The following PDE3A variants were observed in gnomAD, a reference collection of about 807,000 sequenced individuals.
PDE3A encodes cGMP-inhibited 3',5'-cyclic phosphodiesterase 3A.
A neutral mutation model predicts 98.3 loss-of-function variants in PDE3A; 43 were observed. That is an observed-to-expected ratio of 0.44 (90% CI 0.34 to 0.56). PDE3A has a LOEUF of 0.56. PDE3A is among the 20% of genes least tolerant of loss of function. PDE3A has a pLI of 0.01. For missense variants in PDE3A, 1,427 were observed against 1,440.7 expected (o/e 0.99, Z 0.15); for synonymous variants, 663 against 567.9 (o/e 1.17, Z -2.38).
At chr12:20,664,330 G>A (rs539546727) in intron 15 of PDE3A, among the ~76,000 whole-genome samples, 34 of 152,200 alleles carry the variant, frequency 2.2e-4, no homozygotes, top group South Asian at 1.5e-3. Flanking sequence ...GTCTAAAATC[G>A]TCACTTAGAT....
At chr12:20,516,351 A>C (rs1047900600) in intron 1 of PDE3A, among the ~76,000 whole-genome samples, 3 of 152,186 alleles carry the variant, frequency 2.0e-5, no homozygotes, top group Admixed American at 6.5e-5. Flanking sequence ...GTGGCACTTA[A>C]AATAAGTGGA....
intron 1 of PDE3A, among the ~76,000 whole-genome samples, chr12:20,423,165 A>T (rs541127840): frequency 2.6e-5 from 4 of 152,320 alleles, no homozygotes; most frequent in Admixed American, 2.6e-4. Flanking sequence ...AAGAATACCT[A>T]TTTATAAAAT....
At chr12:20,613,788 T>A in intron 3 of PDE3A, 88 bp downstream of exon 3, 1 of 960,356 alleles carries the variant, frequency 1.0e-6, no homozygotes, top group Non-Finnish European at 1.6e-6. Context: ...CAACTCCATC[T>A]GCAGATTCAT....
intron 1 of PDE3A, among the ~76,000 whole-genome samples, chr12:20,455,948 A>T (rs1945145038): frequency 6.6e-6 from 1 of 152,178 alleles, no homozygotes; most frequent in South Asian, 2.1e-4. Context: ...CTATCAATGT[A>T]ACATACTTAA....
At chr12:20,575,142 G>A (rs529562011) in intron 2 of PDE3A, among the ~76,000 whole-genome samples, 3 of 152,054 alleles carry the variant, frequency 2.0e-5, no homozygotes, top group Non-Finnish European at 2.9e-5. Flanking sequence ...GTATTCCTTA[G>A]GAATTTTCAG....
chr12:20,650,482 A>G lies in PDE3A; in HGVS notation c.2807A>G (p.Asn936Ser). The G allele has an allele frequency of 6.2e-7, 1 of 1,610,770 alleles. No individual in the cohort carries two copies. Among genetic ancestry groups the G allele is most frequent in the Non-Finnish European group, 8.5e-7 (1 of 1,177,340 alleles). The change falls in exon 14 of 16, where the codon AAT (asparagine) becomes AGT (serine). Residue 936 changes from asparagine (N) to serine (S), a missense_variant. Around this residue, in one of 3 missense-constraint regions of PDE3A, gnomAD observed 273 missense variants for 420.3 expected, o/e 0.65. Coordinates refer to ENST00000359062, the MANE Select transcript of PDE3A (RefSeq NM_000921.5). ...DDVGIDWTNE[N>S]DRLLVCQMCI... is the part of the protein sequence containing the mutation. ...GTTGGAATAGATTGGACCAATGAAA[A>G]TGATCGTCTACTGGTTTGTCAAATG...
At chr12:20,606,097 T>C (rs891144903) in intron 2 of PDE3A, among the ~76,000 whole-genome samples, 9 of 152,224 alleles carry the variant, frequency 5.9e-5, no homozygotes, top group Non-Finnish European at 1.2e-4. Flanking sequence ...ATAATCTCCT[T>C]AATCATTTTA....
At chr12:20,490,005 C>T (rs1945802262) in intron 1 of PDE3A, among the ~76,000 whole-genome samples, 1 of 152,044 alleles carries the variant, frequency 6.6e-6, no homozygotes, top group African/African-American at 2.4e-5. Flanking sequence ...GCTTTCTATA[C>T]CTAGAGATGG....
chr12:20,651,925 C>A (rs531700610), intron 14 of PDE3A, among the ~76,000 whole-genome samples: 403 of 151,954 alleles, frequency 2.7e-3, no homozygotes, highest in African/African-American at 9.4e-3. Context: ...CTCCTCCCCC[C>A]ACCCCACAAC....
intron 1 of PDE3A, among the ~76,000 whole-genome samples, chr12:20,525,016 C>G (rs1415178635): frequency 1.3e-5 from 2 of 152,144 alleles, no homozygotes; most frequent in Non-Finnish European, 2.9e-5. Flanking sequence ...CCTGTAATCT[C>G]AGCTACTTGG....
chr12:20,568,376 T>C (rs1157888074), intron 2 of PDE3A, among the ~76,000 whole-genome samples: 1 of 152,060 alleles, frequency 6.6e-6, no homozygotes, highest in African/African-American at 2.4e-5. Context: ...AAAATAGGGA[T>C]ATAAATAACG....
At chr12:20,378,439 G>A (rs773377837) in intron 1 of PDE3A, among the ~76,000 whole-genome samples, 3 of 151,424 alleles carry the variant, frequency 2.0e-5, no homozygotes, top group Non-Finnish European at 4.4e-5. Flanking sequence ...TGTGTATAAC[G>A]TTTATATCTG....
At chr12:20,611,157 A>G (rs1261477996) in intron 2 of PDE3A, among the ~76,000 whole-genome samples, 1 of 151,926 alleles carries the variant, frequency 6.6e-6, no homozygotes, top group African/African-American at 2.4e-5. Context: ...AGCCTCAAGT[A>G]TACACAATAC....
chr12:20,674,235 T>C (rs1945574226), intron 15 of PDE3A, among the ~76,000 whole-genome samples: 1 of 152,192 alleles, frequency 6.6e-6, no homozygotes, highest in Admixed American at 6.5e-5. Flanking sequence ...TATGTTTTTC[T>C]AGATATAGGA....
In PDE3A at chr12:20,684,079, A is replaced by T. The variant is rs1016348369; in HGVS notation, c.*3808A>T. ...AAGTATAAAAATTATCATTATAAAT[A>T]AAGTCTAAAGTTTGAAATTATTAAT... On this transcript the variant is annotated 3_prime_UTR_variant, in exon 16 of 16. Coordinates refer to ENST00000359062, the MANE Select transcript of PDE3A (RefSeq NM_000921.5). The T allele has an allele frequency of 1.3e-5, 2 of 152,168 alleles. No homozygotes were observed. Among genetic ancestry groups the T allele is most frequent in the Non-Finnish European group, 2.9e-5 (2 of 68,002 alleles). 9.4% of individuals were successfully genotyped at this position (152,168 alleles called of 1,614,324 possible).
intron 15 of PDE3A, among the ~76,000 whole-genome samples, chr12:20,674,442 G>T (rs1945579967): frequency 6.6e-6 from 1 of 152,050 alleles, no homozygotes; most frequent in Non-Finnish European, 1.5e-5. Context: ...ATTATGTGTG[G>T]TGTTTATTAT....
In PDE3A at chr12:20,521,764, C is replaced by T. The variant is rs1013115502; in HGVS notation, c.961-34896C>T. Among the ~76,000 whole-genome samples the T allele has an allele frequency of 6.6e-5, 10 of 152,180 alleles. No individual in the cohort carries two copies. In the East Asian group the frequency reaches 1.5e-3, roughly 24 times the overall value. On this transcript the variant is annotated intron_variant, in intron 1 of 15. Coordinates refer to ENST00000359062, the MANE Select transcript of PDE3A (RefSeq NM_000921.5). ...TAGGTTCAAGAGGCTGAAGAAGAGA[C>T]CCCGAGCCAACAAAGGAGACATGGA...
intron 1 of PDE3A, among the ~76,000 whole-genome samples, chr12:20,544,961 G>A (rs1158119967): frequency 6.6e-6 from 1 of 151,898 alleles, no homozygotes; most frequent in Non-Finnish European, 1.5e-5. Context: ...CATGCTAACA[G>A]GTACTGGGAC....
In PDE3A at chr12:20,630,101, C is replaced by T. The variant is rs559865252; in HGVS notation, c.1734C>T (p.Ile578=). The T allele has an allele frequency of 1.2e-5, 20 of 1,611,368 alleles. No individual in the cohort carries two copies. In the South Asian group the frequency reaches 2.0e-4, roughly 16 times the overall value. Residue 578 remains isoleucine, a synonymous_variant, in exon 6 of 16, where the codon ATC becomes ATT. Coordinates refer to ENST00000359062, the MANE Select transcript of PDE3A (RefSeq NM_000921.5). ...TQSAPDLSPQ[I]LTPPVICSSC... ...GTGCCCCAGACCTATCCCCTCAAAT[C>T]CTGACTCCACCTGTTATATGTAGCA...
Sources: gnomAD v4.1 joint callset for allele counts (sites outside exome capture counted in the v4.1 genomes callset) on GRCh38, gnomAD v4.1.1 for gene constraint, gnomAD v4.1.1 regional missense constraint, MANE v1.5 for transcripts, NCBI Gene and HGNC (gene_info 2026-07-23, HGNC 2026-07-21) for gene names.